The following NCAPG variants were observed in gnomAD, a reference collection of about 807,000 sequenced individuals.
NCAPG encodes the protein non-SMC condensin I complex subunit G.
In NCAPG, 69 loss-of-function variants were observed where a neutral mutation model predicts 113.1. The ratio of observed to expected loss-of-function variants is 0.61; its 90% confidence interval spans 0.50 to 0.75. NCAPG has a LOEUF of 0.75. Ranked by LOEUF, NCAPG falls within the 30% of genes least tolerant of loss-of-function variation. The pLI is 0.00. For missense variants in NCAPG, 1,058 were observed against 1,177.0 expected (o/e 0.90, Z 1.48); for synonymous variants, 370 against 415.8 (o/e 0.89, Z 1.34).
chr4:17,827,087 A>G (rs184248639), intron 11 of NCAPG, among the ~76,000 whole-genome samples: 3 of 152,330 alleles, frequency 2.0e-5, no homozygotes, highest in East Asian at 3.9e-4. Flanking sequence ...TCAATGAATT[A>G]TGGAAGGAAT....
rs540656945 is a variant in NCAPG, at chr4:17,811,900, A to G, written c.112-321A>G. Among the ~76,000 whole-genome samples, 3 of 152,346 alleles carry G rather than the reference A, an allele frequency of 2.0e-5. No individual in the cohort carries two copies. The highest frequency in any genetic ancestry group is 1.9e-4 in the East Asian group (1 of 5,190). On this transcript the variant is annotated intron_variant, in intron 1 of 20. Coordinates refer to ENST00000251496, the MANE Select transcript of NCAPG (RefSeq NM_022346.5). This position sits in a 1 kb window ranked among gnomAD's most constrained non-coding sequence, Gnocchi z 5.3. ...GAATATGAGAAATATAAAAGCCAGT[A>G]TTGATTTTGGGTTGTTGAAGAAGCG...
chr4:17,824,489 T>G (rs1721579149), intron 9 of NCAPG, among the ~76,000 whole-genome samples: 1 of 152,106 alleles, frequency 6.6e-6, no homozygotes, highest in African/African-American at 2.4e-5. Context: ...CTTTTCCTGA[T>G]CAGCCAATTC....
At position 17,842,341 on chromosome 4, in the gene NCAPG, G is replaced by A. The variant is rs761385706; in HGVS notation, c.2886G>A (p.Thr962=). The A allele has an allele frequency of 6.2e-6, 10 of 1,612,034 alleles. No individual in the cohort carries two copies. The highest frequency in any genetic ancestry group is 2.2e-5 in the East Asian group (1 of 44,812). ...GQRKVTVSAR[T]NRRCQTAEAD... is the part of the protein sequence containing the mutation. ...GAAAAGTGACAGTTTCAGCTAGGAC[G>A]AACAGGAGGTGTCAGACTGCTGAAG... The change falls in exon 20 of 21, where the codon ACG becomes ACA. Residue 962 remains threonine, a synonymous_variant. Coordinates refer to ENST00000251496, the MANE Select transcript of NCAPG (RefSeq NM_022346.5).
At chr4:17,814,593 T>G (rs928379156) in intron 3 of NCAPG, among the ~76,000 whole-genome samples, 1 of 152,190 alleles carries the variant, frequency 6.6e-6, no homozygotes, top group African/African-American at 2.4e-5. Flanking sequence ...GCCACTACCA[T>G]GCCTAGCTAA....
rs1390410198 is a variant in NCAPG, at chr4:17,817,111, CAAAA to C, written c.776-147_776-144del. 11 of 571,522 alleles carry C rather than the reference CAAAA, an allele frequency of 1.9e-5. No homozygotes were observed. In the Admixed American group the frequency reaches 2.4e-4, roughly 13 times the overall value. 35.4% of individuals were successfully genotyped at this position (571,522 alleles called of 1,614,324 possible). A position where few individuals can be genotyped will look rare whatever the true frequency, so the allele number is the denominator to read the frequency against. ...CTGGTGACAGAGCGAGACTCTGTCT[CAAAA>C]AATATATATATACATGCTTAGTTGT... On this transcript the variant is annotated intron_variant, in intron 5 of 20. Coordinates refer to ENST00000251496, the MANE Select transcript of NCAPG (RefSeq NM_022346.5).
At chr4:17,816,628 A>G (rs919545413) in intron 5 of NCAPG, among the ~76,000 whole-genome samples, 2 of 152,214 alleles carry the variant, frequency 1.3e-5, no homozygotes, top group Non-Finnish European at 2.9e-5. Flanking sequence ...GCAAATAGCA[A>G]TCGTGTAATA....
chr4:17,826,508 G>C (rs143319473), intron 11 of NCAPG, among the ~76,000 whole-genome samples: 23 of 152,200 alleles, frequency 1.5e-4, no homozygotes, highest in African/African-American at 4.8e-4. Context: ...GCCATTATAG[G>C]CTATTAAATT....
At chr4:17,822,628 A>C (rs1721502875) in intron 7 of NCAPG, among the ~76,000 whole-genome samples, 1 of 152,228 alleles carries the variant, frequency 6.6e-6, no homozygotes, top group African/African-American at 2.4e-5. Context: ...AAGTTGAAAA[A>C]TTGTAAGTTG....
chr4:17,817,120 T>G (rs544776350), intron 5 of NCAPG, 141 bp from the exon 6 acceptor site: 1 of 598,188 alleles, frequency 1.7e-6, no homozygotes, highest in Non-Finnish European at 2.9e-6. Context: ...TCAAAAAATA[T>G]ATATATACAT....
chr4:17,837,440 C>T, intron 15 of NCAPG, 100 bp downstream of exon 15: 1 of 1,276,534 alleles, frequency 7.8e-7, no homozygotes, highest in Non-Finnish European at 1.1e-6. Flanking sequence ...GATACTTTTT[C>T]TGTCTTTAGT....
chr4:17,832,759 AG>A lies in NCAPG; in HGVS notation c.1885-1538del, dbSNP rs549287404. Among the ~76,000 whole-genome samples the A allele has an allele frequency of 4.8e-3, 733 of 152,182 alleles. 8 individuals are homozygous for A. The highest frequency in any genetic ancestry group is 8.4e-3 in the Non-Finnish European group (571 of 67,980). On this transcript the variant is annotated intron_variant, in intron 13 of 20. Coordinates refer to ENST00000251496, the MANE Select transcript of NCAPG (RefSeq NM_022346.5). ...TTATAGGACCCTAAGCCTCAGATAAAGGTAGGGGAGATGAAGAGGAACCAGT... is the reference window on the plus strand; with the variant it reads ...TTATAGGACCCTAAGCCTCAGATAAAGTAGGGGAGATGAAGAGGAACCAGT...
intron 11 of NCAPG, among the ~76,000 whole-genome samples, chr4:17,827,415 G>A (rs1323177740): frequency 1.3e-5 from 2 of 152,180 alleles, no homozygotes; most frequent in African/African-American, 4.8e-5. Context: ...TTACAGTAGG[G>A]TTGGGAGACT....
intron 14 of NCAPG, among the ~76,000 whole-genome samples, chr4:17,835,678 A>G (rs1193374839): frequency 6.6e-6 from 1 of 152,218 alleles, no homozygotes; most frequent in African/African-American, 2.4e-5. Context: ...GTCTGTTTCT[A>G]TGGATTTAAC....
Position 17,813,008 on chromosome 4 carries a change from A to G in NCAPG, c.407A>G (p.Asp136Gly). ...AGTATGCCAGAAAATGCTCAGATTG[A>G]TGATGATGTGTTTGATAAAATTAAT... is the stretch of plus-strand genomic sequence containing the variant. ...LGSMPENAQI[D>G]DDVFDKINKA... Residue 136 changes from aspartate (D) to glycine (G), a missense_variant, in exon 3 of 21, where the codon GAT becomes GGT. Physicochemically the swap from Asp to Gly is moderately conservative, Grantham distance 94 (BLOSUM62 -1). Coordinates refer to ENST00000251496, the MANE Select transcript of NCAPG (RefSeq NM_022346.5). 6.2e-7 allele frequency: 1 copy of G among 1,614,020 alleles called. No homozygotes were observed. The highest frequency in any genetic ancestry group is 8.5e-7 in the Non-Finnish European group (1 of 1,179,940).
intron 18 of NCAPG, 81 bp downstream of exon 18, chr4:17,840,290 T>C: frequency 7.2e-7 from 1 of 1,386,314 alleles, no homozygotes; most frequent in East Asian, 2.6e-5. Flanking sequence ...TTTTCTACTC[T>C]AACATGTTTG....
chr4:17,813,377 G>T, intron 3 of NCAPG: 1 of 325,878 alleles, frequency 3.1e-6, no homozygotes, highest in East Asian at 5.1e-5. Context: ...TAAATCCTCA[G>T]TTTGGGGTTA....
rs1223567638 is a variant in NCAPG at position 17,843,926 on chromosome 4, T to TCAA, written c.*507_*509dup. The TCAA allele has an allele frequency of 6.6e-6, 1 of 152,144 alleles. No homozygotes were observed. The highest frequency in any genetic ancestry group is 2.4e-5 in the African/African-American group (1 of 41,448). 9.4% of individuals were successfully genotyped at this position (152,144 alleles called of 1,614,324 possible). ...CCAGTGAGGAAGACCAGTATAACGT[T>TCAA]CAACAACAGTTATTTTGACAAAAAC... On this transcript the variant is annotated 3_prime_UTR_variant, in exon 21 of 21. Transcript: ENST00000251496.
intron 15 of NCAPG, 55 bp downstream of exon 15, chr4:17,837,395 C>A: frequency 6.9e-7 from 1 of 1,453,768 alleles, no homozygotes; most frequent in South Asian, 1.3e-5. Flanking sequence ...ATTCAAGTCC[C>A]CCATGAATTA....
At chr4:17,830,632 T>C (rs1721831987) in intron 12 of NCAPG, among the ~76,000 whole-genome samples, 1 of 151,732 alleles carries the variant, frequency 6.6e-6, no homozygotes, top group South Asian at 2.1e-4. Context: ...TTGTGACTTC[T>C]ATTATATTTC....
Sources: allele counts gnomAD v4.1 joint callset (sites outside exome capture counted in the v4.1 genomes callset), GRCh38; gene constraint gnomAD v4.1.1; non-coding constraint Gnocchi (gnomAD v3.1); transcripts MANE v1.5; gene names NCBI Gene and HGNC (gene_info 2026-07-23, HGNC 2026-07-21).